Variants in CLEC16A observed in about 807,000 individuals in gnomAD.
CLEC16A encodes the protein C-type lectin domain containing 16A.
Under a neutral mutation model 109.5 loss-of-function variants are expected in CLEC16A, and 51 were observed. The observed-to-expected ratio is 0.47, with a 90% CI of 0.37 to 0.59. The LOEUF (loss-of-function observed/expected upper bound fraction) is 0.59, where lower values mean the gene tolerates loss of function less well. CLEC16A is among the 20% of genes least tolerant of loss of function. CLEC16A has a pLI of 0.00. For missense variants in CLEC16A, 1,339 were observed against 1,394.0 expected (o/e 0.96, Z 0.63); for synonymous variants, 673 against 564.2 (o/e 1.19, Z -2.73).
intron 22 of CLEC16A, among the ~76,000 whole-genome samples, chr16:11,162,892 G>A (rs541020118): frequency 1.3e-5 from 2 of 152,328 alleles, no homozygotes; most frequent in African/African-American, 4.8e-5. Context: ...TGCAGGTGTG[G>A]AATTGGTCAG....
At chr16:11,071,524 G>A (rs529563279) in intron 19 of CLEC16A, among the ~76,000 whole-genome samples, 62 of 151,958 alleles carry the variant, frequency 4.1e-4, no homozygotes, top group African/African-American at 1.4e-3. Flanking sequence ...AGCCTTAAAG[G>A]ACATTTTTCT....
intron 10 of CLEC16A, among the ~76,000 whole-genome samples, chr16:11,001,003 G>T (rs1476145493): frequency 6.6e-6 from 1 of 152,088 alleles, no homozygotes; most frequent in Non-Finnish European, 1.5e-5. Flanking sequence ...ACTCTGATAA[G>T]AGAAAAACAC....
intron 18 of CLEC16A, among the ~76,000 whole-genome samples, chr16:11,053,372 A>AT (rs780259138): frequency 0.018 from 2,605 of 145,376 alleles, 60 homozygotes; most frequent in African/African-American, 0.059. Context: ...CAGAGGAAGA[A>AT]TTTTTTTTTT....
chr16:10,972,836 C>A, intron 6 of CLEC16A, 102 bp from the exon 7 acceptor site: 1 of 1,261,830 alleles, frequency 7.9e-7, no homozygotes, highest in Non-Finnish European at 1.1e-6. Context: ...AGGGCTTTTT[C>A]ATTGTGGTTT....
In CLEC16A at chr16:11,054,949, T is replaced by TC. The variant is rs1555471254; in HGVS notation, c.1995+3310dup. On this transcript the variant is annotated intron_variant, in intron 18 of 23. Transcript: ENST00000409790. ...TTTTCTTTCTTTTTTTTTTTTTTTT[T>TC]CCACCAAGTAGACTTTTTAAAGGAG... Among the ~76,000 whole-genome samples the TC allele has an allele frequency of 6.5e-5, 8 of 122,246 alleles. No individual in the cohort carries two copies. In the East Asian group the frequency reaches 1.0e-3, roughly 15 times the overall value. The allele number at this position is 122,246 out of a possible 152,430, so 80.2% of individuals were successfully genotyped here. A position where few individuals can be genotyped will look rare whatever the true frequency, so the allele number is the denominator to read the frequency against.
chr16:11,043,961 G>A (rs753471617), intron 15 of CLEC16A, 67 bp from the exon 16 acceptor site: 51 of 1,280,616 alleles, frequency 4.0e-5, no homozygotes, highest in Admixed American at 8.6e-5. Flanking sequence ...TTTAGAATTC[G>A]TAGTTTGCCC....
intron 11 of CLEC16A, among the ~76,000 whole-genome samples, chr16:11,004,161 A>T (rs1485253655): frequency 6.6e-6 from 1 of 152,102 alleles, no homozygotes; most frequent in Admixed American, 6.5e-5. Flanking sequence ...AATTCTGGTC[A>T]ATTTTTCACC....
At position 10,946,070 on chromosome 16, in the gene CLEC16A, G is replaced by A. The variant is rs1052542353; in HGVS notation, c.80+1273G>A. On this transcript the variant is annotated intron_variant, in intron 1 of 23. Coordinates refer to ENST00000409790, the MANE Select transcript of CLEC16A (RefSeq NM_015226.3). ...GGTGTGGAGGATGATGAAAAATAGA[G>A]ATCTGTATGAAGGGAAAGGCTTTAG... 2.6e-5 allele frequency among the ~76,000 whole-genome samples: 4 copies of A among 152,148 alleles called. No homozygotes were observed. The South Asian group carries it at 8.3e-4, about 31-fold the overall frequency.
chr16:11,030,586 G>C (rs1003415645), intron 13 of CLEC16A, among the ~76,000 whole-genome samples: 1 of 152,102 alleles, frequency 6.6e-6, no homozygotes, highest in Admixed American at 6.5e-5. Flanking sequence ...CGAATCCTTA[G>C]CCCGTTTTTT....
rs1456679266 is a variant in CLEC16A, at chr16:11,181,606, A to T, written c.*2916A>T. 2.0e-5 allele frequency: 3 copies of T among 152,394 alleles called. No homozygotes were observed. Among genetic ancestry groups the T allele is most frequent in the Middle Eastern group, 3.4e-3 (1 of 296 alleles). 9.4% of individuals were successfully genotyped at this position (152,394 alleles called of 1,614,324 possible). On this transcript the variant is annotated 3_prime_UTR_variant, in exon 24 of 24. Transcript: ENST00000409790. ...CAAGGTACCTGTCCCAGCAGGTCAGATGGGGCCAGCTGAGGCGCTCCCCCA... is the reference window on the plus strand; with the variant it reads ...CAAGGTACCTGTCCCAGCAGGTCAGTTGGGGCCAGCTGAGGCGCTCCCCCA...
intron 19 of CLEC16A, among the ~76,000 whole-genome samples, chr16:11,104,496 AGAATACCCTGGGCCAGGATCTGCTCTCTG>A (rs2051104342): frequency 6.6e-6 from 1 of 152,108 alleles, no homozygotes; most frequent in Admixed American, 6.5e-5. Flanking sequence ...CTAAGGAAGG[AGAATACCCTGGGCCAGGATCTGCTCTCTG>A]GAATACCCTT....
intron 19 of CLEC16A, among the ~76,000 whole-genome samples, chr16:11,080,380 A>G (rs976538303): frequency 2.6e-5 from 4 of 152,204 alleles, no homozygotes; most frequent in Non-Finnish European, 4.4e-5. Flanking sequence ...TGGGCGTCCG[A>G]GCCTTTGAGC....
chr16:11,168,982 A>T (rs975006181), intron 23 of CLEC16A, among the ~76,000 whole-genome samples: 1 of 152,190 alleles, frequency 6.6e-6, no homozygotes, highest in Admixed American at 6.5e-5. Flanking sequence ...TCCACCAGAG[A>T]TGATATCCTT....
chr16:10,966,892 A>G (rs1310162558), intron 3 of CLEC16A, among the ~76,000 whole-genome samples: 1 of 152,212 alleles, frequency 6.6e-6, no homozygotes, highest in Admixed American at 6.5e-5. Context: ...GCCAAACCAT[A>G]TCATACATAT....
intron 22 of CLEC16A, among the ~76,000 whole-genome samples, chr16:11,149,520 A>C (rs1056206862): frequency 6.6e-6 from 1 of 152,162 alleles, no homozygotes; most frequent in Non-Finnish European, 1.5e-5. Flanking sequence ...GGCTGGGCAC[A>C]GTGGCTCATG....
intron 11 of CLEC16A, among the ~76,000 whole-genome samples, chr16:11,013,903 C>T (rs1406745848): frequency 1.3e-5 from 2 of 152,082 alleles, no homozygotes; most frequent in Non-Finnish European, 2.9e-5. Flanking sequence ...CATGCCACTG[C>T]ACTCCAGCCT....
chr16:10,979,403 A>G (rs942480337), intron 9 of CLEC16A, 21 bp downstream of exon 9: 8 of 1,610,340 alleles, frequency 5.0e-6, no homozygotes, highest in African/African-American at 2.7e-5. Context: ...TCATTCACCA[A>G]TGTCCCCACT....
At chr16:11,082,328 G>A (rs2049772180) in intron 19 of CLEC16A, among the ~76,000 whole-genome samples, 1 of 152,318 alleles carries the variant, frequency 6.6e-6, no homozygotes, top group Middle Eastern at 3.4e-3. Context: ...GCTCCCAGGT[G>A]GCTGCCACTT....
Position 11,139,641 on chromosome 16 carries a change from C to T in CLEC16A, c.2641+13495C>T, listed in dbSNP as rs534369486. Among the ~76,000 whole-genome samples the T allele has an allele frequency of 9.2e-5, 14 of 152,340 alleles. No individual in the cohort carries two copies. In the South Asian group the frequency reaches 2.1e-3, roughly 23 times the overall value. ...ATTGTTTTACTGTCTCTGTCACTCCCTGCTGTGAGCTCAGTCCTTGAAAGT... is the reference window on the plus strand; with the variant it reads ...ATTGTTTTACTGTCTCTGTCACTCCTTGCTGTGAGCTCAGTCCTTGAAAGT... On this transcript the variant is annotated intron_variant, in intron 22 of 23. Transcript: ENST00000409790.
Sources: allele counts gnomAD v4.1 joint callset (sites outside exome capture counted in the v4.1 genomes callset), GRCh38; gene constraint gnomAD v4.1.1; transcripts MANE v1.5; gene names NCBI Gene and HGNC (gene_info 2026-07-23, HGNC 2026-07-21).